CAST: variants seen among roughly 807,000 people sequenced by gnomAD.
CAST encodes calpastatin, also known as MIR583 host.
A neutral mutation model predicts 119.6 loss-of-function variants in CAST; 76 were observed. The observed-to-expected ratio is 0.64, with a 90% CI of 0.53 to 0.77. The LOEUF (loss-of-function observed/expected upper bound fraction) is 0.77, where lower values mean the gene tolerates loss of function less well. CAST is among the 30% of genes least tolerant of loss of function. CAST has a pLI of 0.00. For synonymous variants in CAST, 319 were observed against 331.6 expected, an observed-to-expected ratio of 0.96 and a Z score of 0.41; for missense variants, 953 against 946.5, an observed-to-expected ratio of 1.01 and a Z score of -0.09.
the CAST span, among the ~76,000 whole-genome samples, chr5:96,130,919 A>G: frequency 1.3e-4 from 20 of 152,226 alleles, no homozygotes; most frequent in African/African-American, 4.3e-4. Flanking sequence ...AATCTCCTAC[A>G]TCGTTGAGTG....
the CAST span, among the ~76,000 whole-genome samples, chr5:96,106,769 G>A: frequency 1.1e-4 from 16 of 151,430 alleles, no homozygotes; most frequent in Middle Eastern, 6.9e-3. Context: ...TTCAATTTCT[G>A]GGTATCCTTG....
At chr5:96,642,688 C>A (rs1747966617) in intron 1 of CAST, among the ~76,000 whole-genome samples, 1 of 151,834 alleles carries the variant, frequency 6.6e-6, no homozygotes, top group Non-Finnish European at 1.5e-5. Flanking sequence ...ATTACAGGCA[C>A]CCGGCACCAC....
At chr5:96,517,291 A>G in the CAST span, among the ~76,000 whole-genome samples, 1 of 152,184 alleles carries the variant, frequency 6.6e-6, no homozygotes. Context: ...TGACCTAAAT[A>G]TTATTTCACT....
the CAST span, among the ~76,000 whole-genome samples, chr5:96,243,711 T>A: frequency 6.6e-6 from 1 of 151,972 alleles, no homozygotes; most frequent in African/African-American, 2.4e-5. Flanking sequence ...GGCATGTGGG[T>A]TTTATCAAAT....
the CAST span, among the ~76,000 whole-genome samples, chr5:96,345,357 T>C: frequency 2.0e-5 from 3 of 152,156 alleles, no homozygotes; most frequent in Non-Finnish European, 2.9e-5. Flanking sequence ...ATTTTACTGA[T>C]ACAAATCTAC....
At chr5:96,587,352 G>T (rs1746879207) in intron 1 of CAST, among the ~76,000 whole-genome samples, 1 of 152,186 alleles carries the variant, frequency 6.6e-6, no homozygotes, top group Non-Finnish European at 1.5e-5. Flanking sequence ...AGAGTAACAT[G>T]CTAGGATTGA....
At chr5:96,490,261 G>A in the CAST span, among the ~76,000 whole-genome samples, 2 of 151,964 alleles carry the variant, frequency 1.3e-5, no homozygotes, top group South Asian at 4.2e-4. Flanking sequence ...CATACACAAA[G>A]AACCCAACTG....
upstream of CAST, among the ~76,000 whole-genome samples, chr5:96,659,592 A>G (rs1465145486): frequency 6.6e-6 from 1 of 152,142 alleles, no homozygotes; most frequent in Non-Finnish European, 1.5e-5. Context: ...GCAATGGGAC[A>G]ATCTTGGCTC....
the CAST span, among the ~76,000 whole-genome samples, chr5:96,022,050 G>T: frequency 1.3e-5 from 2 of 152,230 alleles, no homozygotes; most frequent in South Asian, 2.1e-4. Flanking sequence ...TATTTACATA[G>T]CATTTACATT....
chr5:96,339,743 A>G, the CAST span, among the ~76,000 whole-genome samples: 1 of 152,198 alleles, frequency 6.6e-6, no homozygotes, highest in Admixed American at 6.5e-5. Flanking sequence ...AGCTAAGGTG[A>G]GTCCTGCTGA....
the CAST span, among the ~76,000 whole-genome samples, chr5:96,387,784 G>A: frequency 6.6e-6 from 1 of 152,110 alleles, no homozygotes; most frequent in Admixed American, 6.5e-5. Flanking sequence ...AAGAAGTGTT[G>A]TAAAATATGT....
the CAST span, among the ~76,000 whole-genome samples, chr5:95,963,714 T>C: frequency 6.6e-6 from 1 of 150,414 alleles, no homozygotes; most frequent in Non-Finnish European, 1.5e-5. Flanking sequence ...GAACTTTTCT[T>C]TTCTCTCTCT....
At chr5:96,762,763 C>T (rs1446478573) in intron 25 of CAST, 1 of 243,972 alleles carries the variant, frequency 4.1e-6, no homozygotes, top group Admixed American at 5.0e-5. Context: ...CATTATTTAA[C>T]CTCAAGTTTA....
chr5:96,439,593 T>A, the CAST span, among the ~76,000 whole-genome samples: 1 of 152,124 alleles, frequency 6.6e-6, no homozygotes, highest in African/African-American at 2.4e-5. Context: ...AACTATCCCT[T>A]TGTCACCCAG....
the CAST span, among the ~76,000 whole-genome samples, chr5:96,220,010 C>G: frequency 2.0e-3 from 308 of 152,214 alleles, no homozygotes; most frequent in African/African-American, 6.9e-3. Flanking sequence ...AACAGCCATT[C>G]CTTTCCCCTT....
chr5:96,368,510 A>G, the CAST span, among the ~76,000 whole-genome samples: 1 of 151,674 alleles, frequency 6.6e-6, no homozygotes, highest in Admixed American at 6.6e-5. Context: ...TAAAAAAAAA[A>G]AAAAACAAAA....
the CAST span, among the ~76,000 whole-genome samples, chr5:96,159,002 G>A: frequency 1.3e-5 from 2 of 152,138 alleles, no homozygotes; most frequent in African/African-American, 4.8e-5. Context: ...GTTCAAGCCA[G>A]CTATTTTGCT....
the CAST span, among the ~76,000 whole-genome samples, chr5:96,144,916 G>C: frequency 6.6e-6 from 1 of 152,110 alleles, no homozygotes. Flanking sequence ...CACTTTGCTG[G>C]GTTCTGGAGA....
At chr5:96,141,920 GT>G in the CAST span, among the ~76,000 whole-genome samples, 4 of 152,182 alleles carry the variant, frequency 2.6e-5, no homozygotes, top group Non-Finnish European at 4.4e-5. Context: ...CAGCTTACAA[GT>G]TTTTTCTTTT....
Sources: allele counts gnomAD v4.1 joint callset (sites outside exome capture counted in the v4.1 genomes callset), GRCh38; gene constraint gnomAD v4.1.1; transcripts MANE v1.5; gene names NCBI Gene and HGNC (gene_info 2026-07-23, HGNC 2026-07-21).